SATB2: variants seen among roughly 807,000 people sequenced by gnomAD.
SATB2 encodes SATB homeobox 2, also known as DNA-binding protein SATB2.
A neutral mutation model predicts 73.4 loss-of-function variants in SATB2; 1 was observed. The ratio of observed to expected loss-of-function variants is 0.01; its 90% CI spans 0.00 to 0.06. The LOEUF (loss-of-function observed/expected upper bound fraction) is 0.06, where lower values mean the gene tolerates loss of function less well. SATB2 is among the 10% of genes least tolerant of loss of function. SATB2 has a pLI of 1.00. For missense variants in SATB2, 459 were observed against 945.8 expected, an observed-to-expected ratio of 0.49 and a Z score of 6.75; for synonymous variants, 397 against 367.0, an observed-to-expected ratio of 1.08 and a Z score of -0.93.
intron 2 of SATB2, among the ~76,000 whole-genome samples, chr2:199,448,592 G>T (rs540613110): frequency 6.6e-6 from 1 of 152,080 alleles, no homozygotes; most frequent in African/African-American, 2.4e-5. Flanking sequence ...TAGCACTTTG[G>T]AAAACATTTG....
At chr2:199,428,441 T>G (rs535776022) in intron 3 of SATB2, among the ~76,000 whole-genome samples, 1 of 152,266 alleles carries the variant, frequency 6.6e-6, no homozygotes, top group Admixed American at 6.5e-5. Flanking sequence ...TGTCCAAAAG[T>G]AAAGAGCAAG....
chr2:199,300,053 T>C (rs1445593272), intron 10 of SATB2, among the ~76,000 whole-genome samples: 1 of 152,148 alleles, frequency 6.6e-6, no homozygotes, highest in Non-Finnish European at 1.5e-5. Flanking sequence ...TCTTTCTCAT[T>C]GCTCTATGCT....
chr2:199,419,996 C>A (rs1574611828), intron 3 of SATB2, among the ~76,000 whole-genome samples: 5 of 152,248 alleles, frequency 3.3e-5, no homozygotes, highest in Admixed American at 3.3e-4. Context: ...GACTTTTATT[C>A]GTATTCTTAA....
At chr2:199,275,046 G>C (rs1427726369) in intron 10 of SATB2, among the ~76,000 whole-genome samples, 1 of 152,132 alleles carries the variant, frequency 6.6e-6, no homozygotes, top group Non-Finnish European at 1.5e-5. Flanking sequence ...CTCCCCATTA[G>C]AGCAATTGCG....
At chr2:199,310,932 C>T (rs1344902987) in intron 9 of SATB2, among the ~76,000 whole-genome samples, 1 of 152,138 alleles carries the variant, frequency 6.6e-6, no homozygotes, top group East Asian at 1.9e-4. Flanking sequence ...CATTCATTGC[C>T]GCATTTGATT....
At chr2:199,279,505 AT>A (rs1692416072) in intron 10 of SATB2, among the ~76,000 whole-genome samples, 1 of 152,226 alleles carries the variant, frequency 6.6e-6, no homozygotes, top group Non-Finnish European at 1.5e-5. Flanking sequence ...ATTACTTATA[AT>A]ATGCCAACAC....
In SATB2 at chr2:199,464,433, G is replaced by GCACACACA. The variant is rs148806110; in HGVS notation, c.-141+395_-141+402dup. 6.0e-4 allele frequency among the ~76,000 whole-genome samples: 90 copies of GCACACACA among 149,470 alleles called. No individual in the cohort carries two copies. The highest frequency in any genetic ancestry group is 2.2e-3 in the African/African-American group (89 of 41,084). On this transcript the variant is annotated intron_variant, in intron 1 of 11. Transcript: ENST00000260926. This position sits in a 1 kb window ranked among gnomAD's most constrained non-coding sequence, Gnocchi z 6.6. Reference sequence around the variant, plus strand: ...CACCACCATTTCCACGCGCGCGCGCGCACACACACACACACACACACAGAG... The same window carrying GCACACACA: ...CACCACCATTTCCACGCGCGCGCGCGCACACACACACACACACACACACACACACAGAG...
chr2:199,444,795 G>T (rs1691915625), intron 2 of SATB2, among the ~76,000 whole-genome samples: 1 of 152,170 alleles, frequency 6.6e-6, no homozygotes, highest in African/African-American at 2.4e-5. Flanking sequence ...CATCTAGATG[G>T]AGATGATAGA....
At chr2:199,285,579 G>A (rs1043041115) in intron 10 of SATB2, among the ~76,000 whole-genome samples, 4 of 151,706 alleles carry the variant, frequency 2.6e-5, no homozygotes, top group Non-Finnish European at 5.9e-5. Context: ...CAGGAAATCT[G>A]TTATTAAAAA....
chr2:199,376,011 A>C (rs1390522184), intron 5 of SATB2, among the ~76,000 whole-genome samples: 1 of 152,192 alleles, frequency 6.6e-6, no homozygotes, highest in African/African-American at 2.4e-5. Context: ...CTACCAACAA[A>C]ATAGGCGCGC....
intron 2 of SATB2, among the ~76,000 whole-genome samples, chr2:199,440,765 T>C (rs1691792104): frequency 6.6e-6 from 1 of 151,942 alleles, no homozygotes. Flanking sequence ...AAGACAGAGG[T>C]GGGACAGCAG....
chr2:199,326,688 T>A (rs1688038388), intron 8 of SATB2, among the ~76,000 whole-genome samples: 1 of 152,108 alleles, frequency 6.6e-6, no homozygotes, highest in South Asian at 2.1e-4. Context: ...GGCAAAAATA[T>A]TGATGAATTT....
intron 9 of SATB2, among the ~76,000 whole-genome samples, chr2:199,311,276 T>G (rs1297518888): frequency 6.6e-6 from 1 of 152,128 alleles, no homozygotes; most frequent in Non-Finnish European, 1.5e-5. Context: ...ATGAAGCACA[T>G]TCATGGTATT....
In SATB2 at chr2:199,348,356, C is replaced by A. The variant is rs905537471; in HGVS notation, c.1173+345G>T. 2.6e-5 allele frequency: 5 copies of A among 192,694 alleles called. No homozygotes were observed. In the Admixed American group the frequency reaches 2.7e-4, roughly 10 times the overall value. 11.9% of individuals were successfully genotyped at this position (192,694 alleles called of 1,614,324 possible). A position where few individuals can be genotyped will look rare whatever the true frequency, so the allele number is the denominator to read the frequency against. On this transcript the variant is annotated intron_variant, in intron 7 of 10. Transcript: ENST00000417098. ...TTTTATAATTTGTTTTAAAAAATGGCAAGAGACTGATAATCACAAAATTCA... is the reference window on the plus strand; with the variant it reads ...TTTTATAATTTGTTTTAAAAAATGGAAAGAGACTGATAATCACAAAATTCA...
At chr2:199,372,482 A>T (rs1399126523) in intron 5 of SATB2, among the ~76,000 whole-genome samples, 1 of 152,174 alleles carries the variant, frequency 6.6e-6, no homozygotes, top group Non-Finnish European at 1.5e-5. Context: ...TTGTTTTTCA[A>T]CTAGCCCAGA....
chr2:199,417,885 C>A (rs186478503), intron 3 of SATB2, among the ~76,000 whole-genome samples: 2 of 152,212 alleles, frequency 1.3e-5, no homozygotes, highest in Admixed American at 6.5e-5. Flanking sequence ...AGGATATTGT[C>A]AATTTAAAAA....
intron 8 of SATB2, among the ~76,000 whole-genome samples, chr2:199,328,163 T>C (rs1688082818): frequency 6.6e-6 from 1 of 152,136 alleles, no homozygotes; most frequent in Admixed American, 6.6e-5. Context: ...AGAATGGGAC[T>C]TCCTAAAGGG....
intron 6 of SATB2, among the ~76,000 whole-genome samples, chr2:199,349,503 A>G (rs1025437960): frequency 2.8e-4 from 42 of 152,168 alleles, no homozygotes; most frequent in African/African-American, 8.4e-4. Flanking sequence ...CATCTCCCCA[A>G]TCAACCTTTG....
At chr2:199,417,127 G>A (rs763599717) in intron 3 of SATB2, among the ~76,000 whole-genome samples, 25 of 151,084 alleles carry the variant, frequency 1.7e-4, no homozygotes, top group Non-Finnish European at 2.4e-4. Flanking sequence ...TGTGCTGTGC[G>A]CTTAAATCAT....
Sources: gnomAD v4.1 joint callset for allele counts (sites outside exome capture counted in the v4.1 genomes callset) on GRCh38, gnomAD v4.1.1 for gene constraint, Gnocchi (gnomAD v3.1) non-coding constraint, MANE v1.5 for transcripts, NCBI Gene and HGNC (gene_info 2026-07-23, HGNC 2026-07-21) for gene names.